The following BANP variants were observed in gnomAD, a reference collection of about 807,000 sequenced individuals.
The protein encoded by BANP is BTG3 associated nuclear protein, also known as protein BANP.
A neutral mutation model predicts 68.1 loss-of-function variants in BANP; 11 were observed. That is an observed-to-expected ratio of 0.16 (90% CI 0.10 to 0.27). BANP has a LOEUF of 0.27. Among genes scored for constraint, BANP ranks in the 10% least tolerant of loss-of-function variants. BANP has a pLI of 1.00. For synonymous variants in BANP, 329 were observed against 303.2 expected (o/e 1.09, Z -0.88); for missense variants, 504 against 722.7 (o/e 0.70, Z 3.47).
At chr16:87,997,128 G>A (rs544854539) in intron 4 of BANP, among the ~76,000 whole-genome samples, 2 of 152,282 alleles carry the variant, frequency 1.3e-5, no homozygotes, top group Admixed American at 1.3e-4. Context: ...CTTTCAAAGT[G>A]GAAGATGTTT....
chr16:88,033,173 C>T lies in BANP; in HGVS notation c.1128C>T (p.Ala376=), dbSNP rs777704170. The change falls in exon 9 of 14, where the codon GCC becomes GCT. Residue 376 remains alanine, a synonymous_variant. Transcript: ENST00000682872. ...ELPQPQPQPQ[A]LHYALANAQQ... is the part of the protein sequence containing the mutation. Reference sequence around the variant, plus strand: ...CGCAGCCACAGCCGCAGCCGCAGGCCCTGCACTACGCGCTGGCCAACGCAC... The same window carrying T: ...CGCAGCCACAGCCGCAGCCGCAGGCTCTGCACTACGCGCTGGCCAACGCAC... The T allele has an allele frequency of 1.2e-6, 2 of 1,611,906 alleles. No homozygotes were observed. The highest frequency in any genetic ancestry group is 2.2e-5 in the South Asian group (2 of 90,914).
intron 8 of BANP, 86 bp from the exon 9 acceptor site, chr16:88,033,023 G>C: frequency 1.4e-6 from 2 of 1,388,600 alleles, no homozygotes; most frequent in Non-Finnish European, 1.9e-6. Flanking sequence ...GGAGTCGACA[G>C]TGGGGGACGG....
intron 1 of BANP, among the ~76,000 whole-genome samples, chr16:87,953,429 G>C (rs944945197): frequency 2.0e-5 from 3 of 151,948 alleles, no homozygotes; most frequent in East Asian, 1.9e-4. Flanking sequence ...GGCCGTACTC[G>C]AACTCCTGAG....
At chr16:87,963,276 T>A (rs904485484) in intron 1 of BANP, 2 of 152,338 alleles carry the variant, frequency 1.3e-5, no homozygotes, top group Non-Finnish European at 2.9e-5. Flanking sequence ...CGCTGTGAGC[T>A]TATTGTTCTG....
chr16:87,984,807 T>C (rs2063983029), intron 4 of BANP, among the ~76,000 whole-genome samples: 1 of 152,254 alleles, frequency 6.6e-6, no homozygotes, highest in South Asian at 2.1e-4. Context: ...CGAGGCTTCC[T>C]GTCAGATATT....
At chr16:87,990,548 C>T (rs1482493261) in intron 4 of BANP, among the ~76,000 whole-genome samples, 1 of 152,162 alleles carries the variant, frequency 6.6e-6, no homozygotes, top group African/African-American at 2.4e-5. Context: ...TATTCTCAGT[C>T]AAAATTATAG....
At chr16:87,960,844 C>G (rs1248616589) in intron 1 of BANP, among the ~76,000 whole-genome samples, 3 of 152,180 alleles carry the variant, frequency 2.0e-5, no homozygotes, top group Non-Finnish European at 2.9e-5. Context: ...TGAAGTTAGC[C>G]TCTCACCTCA....
intron 12 of BANP, among the ~76,000 whole-genome samples, chr16:88,065,676 G>C (rs12933708): frequency 0.35 from 53,887 of 152,148 alleles, 12,051 homozygotes; most frequent in Non-Finnish European, 0.52. Context: ...GGCACAAGTG[G>C]TGATGGTTCC....
intron 1 of BANP, among the ~76,000 whole-genome samples, chr16:87,972,331 C>A (rs11642031): frequency 0.35 from 52,863 of 151,554 alleles, 10,470 homozygotes; most frequent in Non-Finnish European, 0.47. Context: ...GTTCTAGCAC[C>A]TTGTTTCTGA....
intron 11 of BANP, among the ~76,000 whole-genome samples, chr16:88,060,378 T>C (rs551251847): frequency 1.1e-4 from 17 of 152,208 alleles, no homozygotes; most frequent in Non-Finnish European, 2.4e-4. Context: ...ACCCTCTGTT[T>C]AAAAGCCACG....
At chr16:88,035,925 G>T (rs1009115422) in intron 10 of BANP, among the ~76,000 whole-genome samples, 1 of 152,256 alleles carries the variant, frequency 6.6e-6, no homozygotes, top group Non-Finnish European at 1.5e-5. Context: ...GATTGTCTCA[G>T]TTTCTGGAGC....
At chr16:88,033,268 AC>A (rs1438247519) in intron 9 of BANP, 23 bp downstream of exon 9, 1 of 1,528,474 alleles carries the variant, frequency 6.5e-7, no homozygotes, top group Non-Finnish European at 8.9e-7. Context: ...TCCACCTCAC[AC>A]CTTGGGAAAG....
At chr16:88,063,249 G>C (rs2087410551) in intron 11 of BANP, among the ~76,000 whole-genome samples, 1 of 152,226 alleles carries the variant, frequency 6.6e-6, no homozygotes, top group Admixed American at 6.5e-5. Context: ...TCTAGGCCCA[G>C]TGCCTCGGCT....
At chr16:87,949,929 G>T (rs1214592425), upstream of BANP, among the ~76,000 whole-genome samples, 1 of 149,668 alleles carries the variant, frequency 6.7e-6, no homozygotes, top group African/African-American at 2.5e-5. Context: ...CCAGGCTGGA[G>T]TCCAGTGGCG....
At chr16:88,041,702 C>T (rs978654648) in intron 11 of BANP, among the ~76,000 whole-genome samples, 6 of 152,074 alleles carry the variant, frequency 3.9e-5, no homozygotes, top group Admixed American at 6.5e-5. Context: ...TGGTTCTTTG[C>T]CAACAGTCGT....
At position 88,034,579 on chromosome 16, in the gene BANP, C is replaced by T. The variant is rs1387477968; in HGVS notation, c.1201-744C>T. Among the ~76,000 whole-genome samples the T allele has an allele frequency of 1.1e-4, 14 of 132,244 alleles. No homozygotes were observed. The South Asian group carries it at 1.7e-3, about 16-fold the overall frequency. The allele number at this position is 132,244 out of a possible 152,430, so 86.8% of individuals were successfully genotyped here. The stretch of plus-strand genomic sequence containing the variant: ...GCCTGCCCTGTTGTGAGTGTAGGCA[C>T]GCCAACAGCTCCCCTGCTTCAGCCA... On this transcript the variant is annotated intron_variant, in intron 9 of 13. Coordinates refer to ENST00000682872, the MANE Select transcript of BANP (RefSeq NM_001386991.1).
intron 11 of BANP, among the ~76,000 whole-genome samples, chr16:88,048,540 G>T (rs2082516486): frequency 6.6e-6 from 1 of 151,862 alleles, no homozygotes; most frequent in South Asian, 2.1e-4. Context: ...TTCTAACAGT[G>T]TTCTTGGTAT....
chr16:87,990,091 A>G (rs1441418788), intron 4 of BANP, among the ~76,000 whole-genome samples: 1 of 152,264 alleles, frequency 6.6e-6, no homozygotes, highest in Non-Finnish European at 1.5e-5. Context: ...CTTTGTTTTC[A>G]TTAACTGAAC....
At chr16:88,054,481 A>G (rs1187100302) in intron 11 of BANP, among the ~76,000 whole-genome samples, 1 of 152,046 alleles carries the variant, frequency 6.6e-6, no homozygotes, top group South Asian at 2.1e-4. Context: ...CACTACCAAC[A>G]ACACATCTAT....
Sources: gnomAD v4.1 joint callset for allele counts (sites outside exome capture counted in the v4.1 genomes callset) on GRCh38, gnomAD v4.1.1 for gene constraint, MANE v1.5 for transcripts, NCBI Gene and HGNC (gene_info 2026-07-23, HGNC 2026-07-21) for gene names.